The following STX18 variants were observed in gnomAD, a reference collection of about 807,000 sequenced individuals.
STX18 encodes syntaxin 18.
In STX18, 40 loss-of-function variants were observed where a neutral mutation model predicts 50.1. That is an observed-to-expected ratio of 0.80 (90% CI 0.62 to 1.04). STX18 has a LOEUF of 1.04. STX18 is among the 50% of genes least tolerant of loss of function. The pLI, the probability that STX18 is intolerant of heterozygous loss-of-function variation, is 0.00. For missense variants in STX18, 410 were observed against 415.8 expected, an observed-to-expected ratio of 0.99 and a Z score of 0.12; for synonymous variants, 158 against 151.8, an observed-to-expected ratio of 1.04 and a Z score of -0.30.
intron 1 of STX18, among the ~76,000 whole-genome samples, chr4:4,541,193 T>C (rs1404312601): frequency 6.6e-6 from 1 of 152,182 alleles, no homozygotes; most frequent in Non-Finnish European, 1.5e-5. Context: ...AGGAAAAGGT[T>C]CCTGTTCCCA....
intron 1 of STX18, among the ~76,000 whole-genome samples, chr4:4,522,775 T>A (rs1219582441): frequency 6.6e-6 from 1 of 152,120 alleles, no homozygotes; most frequent in East Asian, 1.9e-4. Flanking sequence ...AAAAAAATAA[T>A]CCAGCAAATA....
intron 1 of STX18, among the ~76,000 whole-genome samples, chr4:4,510,784 C>G (rs905527384): frequency 6.6e-6 from 1 of 152,074 alleles, no homozygotes; most frequent in African/African-American, 2.4e-5. Flanking sequence ...CTGGATAAAG[C>G]AAATGTGGCA....
chr4:4,457,456 C>T lies in STX18; in HGVS notation c.397G>A (p.Ala133Thr), dbSNP rs755050963. 7.4e-6 allele frequency: 12 copies of T among 1,613,746 alleles called. No individual in the cohort carries two copies. Among genetic ancestry groups the T allele is most frequent in the South Asian group, 5.5e-5 (5 of 90,988 alleles). ...HSQQVKEHRT[A>T]VLDFIEDYLK... The stretch of plus-strand genomic sequence containing the variant: ...TAATCTTCAATGAAATCCAAAACAG[C>T]GGTCCTGTGCTCCTTCACTTGCTGG... The change falls in exon 4 of 11, where the codon GCT becomes ACT. Residue 133 changes from alanine to threonine, a missense_variant. Coordinates refer to ENST00000306200, the MANE Select transcript of STX18 (RefSeq NM_016930.4).
At chr4:4,540,651 C>T (rs1375744573) in intron 1 of STX18, among the ~76,000 whole-genome samples, 2 of 152,154 alleles carry the variant, frequency 1.3e-5, no homozygotes, top group Non-Finnish European at 2.9e-5. Flanking sequence ...GTCTACTCCA[C>T]CACTGCTTTT....
intron 1 of STX18, among the ~76,000 whole-genome samples, chr4:4,519,512 G>A (rs1413563594): frequency 2.0e-5 from 3 of 152,074 alleles, no homozygotes; most frequent in African/African-American, 7.2e-5. Flanking sequence ...TTCCATTCCC[G>A]AGTCAGTTAC....
At chr4:4,446,322 A>C (rs905896434) in intron 5 of STX18, among the ~76,000 whole-genome samples, 1 of 152,218 alleles carries the variant, frequency 6.6e-6, no homozygotes, top group African/African-American at 2.4e-5. Flanking sequence ...AATAAAATTC[A>C]ACTTCCTCAA....
intron 1 of STX18, among the ~76,000 whole-genome samples, chr4:4,509,406 T>C (rs1323272608): frequency 6.8e-6 from 1 of 148,126 alleles, no homozygotes; most frequent in Admixed American, 6.7e-5. Context: ...TTTTAAAGGG[T>C]TTTTTTTTTC....
chr4:4,442,130 G>T (rs1726140408), intron 5 of STX18, among the ~76,000 whole-genome samples: 2 of 152,130 alleles, frequency 1.3e-5, no homozygotes, highest in Non-Finnish European at 2.9e-5. Flanking sequence ...ACAGACCAAT[G>T]AATAGGATAT....
chr4:4,437,784 G>A (rs1381745049), intron 6 of STX18, among the ~76,000 whole-genome samples: 1 of 152,152 alleles, frequency 6.6e-6, no homozygotes, highest in Admixed American at 6.5e-5. Context: ...GCATCCCTAC[G>A]CAGGGGTACC....
chr4:4,491,704 A>T (rs1728949584), intron 1 of STX18, among the ~76,000 whole-genome samples: 1 of 152,148 alleles, frequency 6.6e-6, no homozygotes, highest in Admixed American at 6.5e-5. Context: ...ATCGTTGATC[A>T]CAAGCCTAGT....
chr4:4,445,331 G>A (rs768680999), intron 5 of STX18, among the ~76,000 whole-genome samples: 17 of 152,024 alleles, frequency 1.1e-4, no homozygotes, highest in Non-Finnish European at 1.5e-4. Context: ...GCTTGAACTC[G>A]GGAGGTGGAG....
rs184277629 is a variant in STX18, at chr4:4,524,700, A to C, written c.168+17097T>G. On this transcript the variant is annotated intron_variant, in intron 1 of 10. Transcript: ENST00000306200. ...GGCCTGTGGTGACACTGTTTGGTTC[A>C]CCGAGTCCAGCCATGCCAGAGGTTA... Among the ~76,000 whole-genome samples the C allele has an allele frequency of 4.1e-4, 63 of 152,356 alleles. No homozygotes were observed. The East Asian group carries it at 9.9e-3, about 24-fold the overall frequency.
At chr4:4,479,414 G>T (rs1377926473) in intron 1 of STX18, among the ~76,000 whole-genome samples, 1 of 152,154 alleles carries the variant, frequency 6.6e-6, no homozygotes, top group Non-Finnish European at 1.5e-5. Flanking sequence ...AGTCACTGCA[G>T]GTCGCATTTA....
intron 1 of STX18, among the ~76,000 whole-genome samples, chr4:4,511,585 T>A (rs1414848942): frequency 6.6e-6 from 1 of 151,938 alleles, no homozygotes; most frequent in Admixed American, 6.6e-5. Context: ...TGAATCTATG[T>A]GGTAGGGGAA....
intron 1 of STX18, chr4:4,507,067 CAAG>C (rs1729742380): frequency 1.9e-6 from 1 of 516,542 alleles, no homozygotes; most frequent in African/African-American, 1.9e-5. Flanking sequence ...CAGTGCTCAG[CAAG>C]GAGAAGGCCA....
intron 1 of STX18, among the ~76,000 whole-genome samples, chr4:4,476,637 G>C (rs1728188499): frequency 6.6e-6 from 1 of 152,092 alleles, no homozygotes; most frequent in Non-Finnish European, 1.5e-5. Context: ...ATTTCAGTTA[G>C]GTGTAATAAT....
intron 1 of STX18, among the ~76,000 whole-genome samples, chr4:4,495,978 C>T (rs557233432): frequency 1.1e-4 from 17 of 152,216 alleles, no homozygotes; most frequent in African/African-American, 2.9e-4. Context: ...TATCGGATAA[C>T]GCAATTTTTT....
intron 1 of STX18, among the ~76,000 whole-genome samples, chr4:4,475,537 T>A (rs1728135242): frequency 6.6e-6 from 1 of 151,952 alleles, no homozygotes; most frequent in African/African-American, 2.4e-5. Context: ...TTTATCTACA[T>A]AGGCATACCT....
intron 1 of STX18, chr4:4,478,822 C>G (rs1193751911): frequency 6.6e-6 from 1 of 152,464 alleles, no homozygotes; most frequent in East Asian, 1.9e-4. Context: ...GCATGCTGCC[C>G]TGTCCTCTCC....
Sources: allele counts gnomAD v4.1 joint callset (sites outside exome capture counted in the v4.1 genomes callset), GRCh38; gene constraint gnomAD v4.1.1; transcripts MANE v1.5; gene names NCBI Gene and HGNC (gene_info 2026-07-23, HGNC 2026-07-21).